PTPRD: variants seen among roughly 807,000 people sequenced by gnomAD.
PTPRD encodes protein tyrosine phosphatase receptor type D.
In PTPRD, 34 loss-of-function variants were observed where a neutral mutation model predicts 214.5. The ratio of observed to expected loss-of-function variants is 0.16; its 90% CI spans 0.12 to 0.21. The LOEUF (loss-of-function observed/expected upper bound fraction) is 0.21, where lower values mean the gene tolerates loss of function less well. Ranked by LOEUF, PTPRD falls within the 10% of genes least tolerant of loss-of-function variation. The pLI is 1.00. For missense variants in PTPRD, 2,545 were observed against 2,398.7 expected, an observed-to-expected ratio of 1.06 and a Z score of -1.27; for synonymous variants, 1,128 against 845.7, an observed-to-expected ratio of 1.33 and a Z score of -5.79.
chr9:9,626,641 A>C (rs935070598), intron 7 of PTPRD, among the ~76,000 whole-genome samples: 1 of 152,200 alleles, frequency 6.6e-6, no homozygotes, highest in Non-Finnish European at 1.5e-5. Context: ...TAATTCATTG[A>C]TGAGAACTGA....
chr9:8,595,179 T>C (rs1234559559), intron 14 of PTPRD, among the ~76,000 whole-genome samples: 1 of 151,788 alleles, frequency 6.6e-6, no homozygotes, highest in East Asian at 1.9e-4. Flanking sequence ...CCTGTTTTTT[T>C]TTTTTTTTTA....
At chr9:8,793,575 A>T (rs937116919) in intron 11 of PTPRD, among the ~76,000 whole-genome samples, 8 of 152,206 alleles carry the variant, frequency 5.3e-5, no homozygotes, top group African/African-American at 1.9e-4. Context: ...AATAAATATG[A>T]CAATGTCTAA....
At chr9:10,251,694 T>C (rs932164560) in intron 3 of PTPRD, among the ~76,000 whole-genome samples, 6 of 152,204 alleles carry the variant, frequency 3.9e-5, no homozygotes, top group Admixed American at 1.3e-4. Context: ...GTGAGTCACT[T>C]TGAACAGATT....
intron 3 of PTPRD, among the ~76,000 whole-genome samples, chr9:10,046,292 G>A (rs2097394093): frequency 1.3e-5 from 2 of 151,398 alleles, no homozygotes; most frequent in Non-Finnish European, 3.0e-5. Flanking sequence ...GATTTCCCTG[G>A]GTAAAACACA....
rs963388800 is a variant in PTPRD at position 9,088,392 on chromosome 9, C to T, written c.-142-69657G>A. Among the ~76,000 whole-genome samples, 16 of 151,142 alleles carry T rather than the reference C, an allele frequency of 1.1e-4. No homozygotes were observed. The South Asian group carries it at 2.7e-3, about 26-fold the overall frequency. Reference sequence around the variant, plus strand: ...CACCTGAGGTTGAGACTAGCCTGACCAACATGGTGAAACCCTGTCTCTACA... The same window carrying T: ...CACCTGAGGTTGAGACTAGCCTGACTAACATGGTGAAACCCTGTCTCTACA... On this transcript the variant is annotated intron_variant, in intron 10 of 45. Coordinates refer to ENST00000381196, the MANE Select transcript of PTPRD (RefSeq NM_002839.4).
intron 43 of PTPRD, among the ~76,000 whole-genome samples, chr9:8,335,508 T>C (rs1013931098): frequency 3.9e-5 from 6 of 152,204 alleles, no homozygotes; most frequent in African/African-American, 1.4e-4. Flanking sequence ...TAAGAAGAGC[T>C]ATTTATGATA....
intron 7 of PTPRD, among the ~76,000 whole-genome samples, chr9:9,658,215 C>G (rs896188498): frequency 1.8e-4 from 27 of 152,004 alleles, no homozygotes; most frequent in African/African-American, 6.3e-4. Flanking sequence ...AACTAAAACT[C>G]TGATGGTAAA....
At chr9:9,673,576 T>A (rs867452315) in intron 7 of PTPRD, among the ~76,000 whole-genome samples, 5 of 151,726 alleles carry the variant, frequency 3.3e-5, no homozygotes, top group Non-Finnish European at 7.4e-5. Flanking sequence ...CAAATTGAGT[T>A]TAAGCATTAA....
At chr9:9,703,195 C>T (rs2097535673) in intron 7 of PTPRD, among the ~76,000 whole-genome samples, 1 of 152,126 alleles carries the variant, frequency 6.6e-6, no homozygotes, top group Non-Finnish European at 1.5e-5. Flanking sequence ...CTTGCTCTCT[C>T]TTGCCGTCTT....
chr9:9,356,303 G>C (rs942422900), intron 9 of PTPRD, among the ~76,000 whole-genome samples: 3 of 151,396 alleles, frequency 2.0e-5, no homozygotes, highest in African/African-American at 7.3e-5. Flanking sequence ...AATTGATGTA[G>C]AAGAGAGAGG....
At chr9:9,888,390 G>C (rs567833272) in intron 5 of PTPRD, among the ~76,000 whole-genome samples, 1 of 152,242 alleles carries the variant, frequency 6.6e-6, no homozygotes. Flanking sequence ...TGAGTATACA[G>C]TTTGGATATT....
At chr9:10,492,226 C>G (rs1223123134) in intron 2 of PTPRD, among the ~76,000 whole-genome samples, 2 of 151,916 alleles carry the variant, frequency 1.3e-5, no homozygotes, top group Non-Finnish European at 2.9e-5. Context: ...GGGTATATAC[C>G]CAGTAATGGG....
intron 7 of PTPRD, among the ~76,000 whole-genome samples, chr9:9,681,301 T>G (rs970722828): frequency 6.6e-6 from 1 of 151,736 alleles, no homozygotes; most frequent in Admixed American, 6.6e-5. Flanking sequence ...TCATCAACTC[T>G]GTGATAAAAT....
chr9:8,796,612 T>C (rs1386660063), intron 11 of PTPRD, among the ~76,000 whole-genome samples: 7 of 152,146 alleles, frequency 4.6e-5, no homozygotes, highest in Admixed American at 3.9e-4. Flanking sequence ...GACAGTAACT[T>C]AAAAGCCATA....
At chr9:10,263,664 C>A (rs758729741) in intron 3 of PTPRD, among the ~76,000 whole-genome samples, 2 of 152,084 alleles carry the variant, frequency 1.3e-5, no homozygotes, top group African/African-American at 4.8e-5. Flanking sequence ...AAATTTGCAG[C>A]CTGACAATGC....
intron 2 of PTPRD, among the ~76,000 whole-genome samples, chr9:10,524,873 T>C (rs1399584766): frequency 2.6e-5 from 4 of 151,708 alleles, no homozygotes; most frequent in Admixed American, 2.0e-4. Flanking sequence ...TAGCTACAGG[T>C]GAATTTAAAA....
intron 5 of PTPRD, among the ~76,000 whole-genome samples, chr9:9,899,669 A>G (rs1342272916): frequency 1.3e-5 from 2 of 151,990 alleles, no homozygotes; most frequent in Admixed American, 6.6e-5. Context: ...AAATAGAACC[A>G]CCATATAAGC....
At position 8,465,598 on chromosome 9, in the gene PTPRD, A is replaced by G. The variant is rs2281747; in HGVS notation, c.3582T>C (p.Ala1194=). 0.16 allele frequency: 260,071 copies of G among 1,612,196 alleles called. 21,833 individuals carry two copies. The highest frequency in any genetic ancestry group is 0.28 in the East Asian group (12,378 of 44,812). The part of the protein sequence containing the change: ...REVELKPYIA[A]HFDVLPTEFT... ...ACTCAGTGGGAAGGACATCAAAGTG[A>G]GCGGCAATATATGGCTTTAATTCAA... Residue 1194 remains alanine (A), a synonymous_variant, in exon 32 of 46, where the codon GCT becomes GCC. Transcript: ENST00000381196.
intron 3 of PTPRD, among the ~76,000 whole-genome samples, chr9:10,186,226 A>G (rs566964908): frequency 6.6e-6 from 1 of 152,098 alleles, no homozygotes; most frequent in East Asian, 1.9e-4. Context: ...CCTGAGAGTC[A>G]ATTATTCTCC....
Sources: gnomAD v4.1 joint callset for allele counts (sites outside exome capture counted in the v4.1 genomes callset) on GRCh38, gnomAD v4.1.1 for gene constraint, MANE v1.5 for transcripts, NCBI Gene and HGNC (gene_info 2026-07-23, HGNC 2026-07-21) for gene names.